Variants in SH3BP4 observed in about 807,000 individuals in gnomAD.
The protein encoded by SH3BP4 is SH3 domain binding protein 4, also known as SH3 domain-binding protein 4.
A neutral mutation model predicts 65.5 loss-of-function variants in SH3BP4; 33 were observed. The observed-to-expected ratio is 0.50, with a 90% CI of 0.38 to 0.67. SH3BP4 has a LOEUF of 0.67. SH3BP4 is among the 30% of genes least tolerant of loss of function. The probability of loss-of-function intolerance (pLI) is 0.00; values close to 1 mark genes in which losing one functional copy is unlikely to be tolerated. For missense variants in SH3BP4, 1,134 were observed against 1,261.4 expected (o/e 0.90, Z 1.53); for synonymous variants, 552 against 545.5 (o/e 1.01, Z -0.17).
intron 4 of SH3BP4, among the ~76,000 whole-genome samples, chr2:235,049,863 G>A (rs1021001508): frequency 2.0e-5 from 3 of 152,096 alleles, no homozygotes; most frequent in East Asian, 1.9e-4. Context: ...TGTGGGACCC[G>A]GGACAAGCCT....
chr2:235,015,567 T>TGTTAGCCTGAAGGACCAGCA (rs1384527882), intron 2 of SH3BP4, among the ~76,000 whole-genome samples: 9 of 152,174 alleles, frequency 5.9e-5, no homozygotes, highest in Admixed American at 2.0e-4. Context: ...TTGAGTCCAG[T>TGTTAGCCTGAAGGACCAGCA]GTTAGCCTGA....
At chr2:235,015,195 G>A (rs904228553) in intron 2 of SH3BP4, among the ~76,000 whole-genome samples, 9 of 152,196 alleles carry the variant, frequency 5.9e-5, no homozygotes, top group African/African-American at 2.2e-4. Context: ...AACCCAATCT[G>A]GTGTAATTCT....
Position 234,997,297 on chromosome 2 carries a change from G to A in SH3BP4, c.-133+1921G>A, listed in dbSNP as rs189808823. Reference sequence around the variant, plus strand: ...GAATAGTCACAGTCTGATTTGCCTGGGGGTCAGTGAGAGACACGGCTACCC... The same window carrying A: ...GAATAGTCACAGTCTGATTTGCCTGAGGGTCAGTGAGAGACACGGCTACCC... On this transcript the variant is annotated intron_variant, in intron 2 of 5. Coordinates refer to ENST00000392011, the MANE Select transcript of SH3BP4 (RefSeq NM_014521.3). This position sits in a 1 kb window ranked among gnomAD's most constrained non-coding sequence, Gnocchi z 4.2. 1.8e-3 allele frequency among the ~76,000 whole-genome samples: 273 copies of A among 152,320 alleles called. 1 individual carries two copies. Among genetic ancestry groups the A allele is most frequent in the Non-Finnish European group, 1.1e-3 (76 of 68,024 alleles).
intron 2 of SH3BP4, among the ~76,000 whole-genome samples, chr2:235,028,423 T>G (rs1559249699): frequency 2.0e-5 from 3 of 152,226 alleles, no homozygotes; most frequent in Non-Finnish European, 4.4e-5. Flanking sequence ...GGCTTAGGTT[T>G]CAGGAACAGA....
intron 1 of SH3BP4, among the ~76,000 whole-genome samples, chr2:234,968,303 G>T (rs1383902036): frequency 2.0e-5 from 3 of 151,648 alleles, no homozygotes; most frequent in Non-Finnish European, 4.4e-5. Context: ...TGCCCAGTGA[G>T]TTTGTAGAAC....
rs771073282 is a variant in SH3BP4 at position 235,054,142 on chromosome 2, A to C, written c.*326A>C. On this transcript the variant is annotated 3_prime_UTR_variant, in exon 6 of 6. Transcript: ENST00000392011. ...TTTTTTTATGGACCATAAAGGTTTA[A>C]AAGAAAATAGGGGCACAGGCTGTTG... 1 of 268,508 alleles carries C rather than the reference A, an allele frequency of 3.7e-6. No homozygotes were observed. The highest frequency in any genetic ancestry group is 2.1e-5 in the African/African-American group (1 of 46,518). The allele number at this position is 268,508 out of a possible 1,614,324, so 16.6% of individuals were successfully genotyped here.
At chr2:234,981,926 G>T in intron 1 of SH3BP4, among the ~76,000 whole-genome samples, 1 of 152,122 alleles carries the variant, frequency 6.6e-6, no homozygotes, top group East Asian at 1.9e-4. Flanking sequence ...TTGTAAGCTC[G>T]GCTGCCATTT....
rs762860305 is a variant in SH3BP4 at position 235,042,688 on chromosome 2, C to T, written c.1919C>T (p.Ala640Val). Residue 640 changes from alanine (A) to valine (V), a missense_variant, in exon 4 of 6, where the codon GCC (alanine) becomes GTC (valine). By Grantham distance (64) the Ala-to-Val change is moderately conservative. Coordinates refer to ENST00000392011, the MANE Select transcript of SH3BP4 (RefSeq NM_014521.3). The surrounding 1 kb of genome is among the most constrained non-coding windows in gnomAD (Gnocchi z 7.3). The part of the protein sequence containing the change: ...EVGKIILSPF[A>V]TTTKYPTFQD... ...GGGAAAATCATCCTGTCCCCGTTTG[C>T]CACCACTACAAAGTACCCGACTTTC... is the stretch of plus-strand genomic sequence containing the variant. 1.4e-5 allele frequency: 22 copies of T among 1,614,072 alleles called. No homozygotes were observed. In the Admixed American group the frequency reaches 3.7e-4, roughly 27 times the overall value.
At chr2:235,006,085 G>T (rs1355563672) in intron 2 of SH3BP4, among the ~76,000 whole-genome samples, 1 of 152,238 alleles carries the variant, frequency 6.6e-6, no homozygotes, top group Non-Finnish European at 1.5e-5. Context: ...CATGGTGCTG[G>T]GCTGGCTGGA....
In SH3BP4 at chr2:235,052,305, A is replaced by G. The variant is rs998444217; in HGVS notation, c.2479-257A>G. On this transcript the variant is annotated intron_variant, in intron 4 of 5. Coordinates refer to ENST00000392011, the MANE Select transcript of SH3BP4 (RefSeq NM_014521.3). This position sits in a 1 kb window ranked among gnomAD's most constrained non-coding sequence, Gnocchi z 5.0. Reference sequence around the variant, plus strand: ...TCTGCAAAGACCCCATTTTCAAGTAAGGTCACGTTCTGAGGTTCTGGGTGG... The same window carrying G: ...TCTGCAAAGACCCCATTTTCAAGTAGGGTCACGTTCTGAGGTTCTGGGTGG... Among the ~76,000 whole-genome samples, 3 of 152,002 alleles carry G rather than the reference A, an allele frequency of 2.0e-5. No individual in the cohort carries two copies. Among genetic ancestry groups the G allele is most frequent in the African/African-American group, 7.2e-5 (3 of 41,386 alleles).
At chr2:235,022,609 G>A (rs776812755) in intron 2 of SH3BP4, among the ~76,000 whole-genome samples, 1 of 152,096 alleles carries the variant, frequency 6.6e-6, no homozygotes, top group Non-Finnish European at 1.5e-5. Context: ...CGGGTGAATC[G>A]AGACATTGAC....
chr2:235,025,911 G>T (rs1694986928), intron 2 of SH3BP4, among the ~76,000 whole-genome samples: 1 of 152,178 alleles, frequency 6.6e-6, no homozygotes, highest in East Asian at 1.9e-4. Flanking sequence ...AAGGTCTGGA[G>T]ATGTTTTGGA....
In SH3BP4 at chr2:235,042,398, C is replaced by T. The variant is rs1474740314; in HGVS notation, c.1629C>T (p.Ser543=). ...RPQDLKVCMF[S]NMTNYEVKAS... ...AGGATCTCAAGGTCTGTATGTTTTCCAATATGACGAATTACGAGGTCAAAG... is the reference window on the plus strand; with the variant it reads ...AGGATCTCAAGGTCTGTATGTTTTCTAATATGACGAATTACGAGGTCAAAG... Residue 543 remains serine (S), a synonymous_variant, in exon 4 of 6, where the codon TCC becomes TCT. Transcript: ENST00000392011. This position sits in a 1 kb window ranked among gnomAD's most constrained non-coding sequence, Gnocchi z 7.3. 4 of 1,614,108 alleles carry T rather than the reference C, an allele frequency of 2.5e-6. No homozygotes were observed. The highest frequency in any genetic ancestry group is 3.4e-6 in the Non-Finnish European group (4 of 1,180,024).
rs1335411367 is a variant in SH3BP4 at position 234,976,586 on chromosome 2, C to T, written c.-206-18717C>T. On this transcript the variant is annotated intron_variant, in intron 1 of 5. Coordinates refer to ENST00000392011, the MANE Select transcript of SH3BP4 (RefSeq NM_014521.3). This position sits in a 1 kb window ranked among gnomAD's most constrained non-coding sequence, Gnocchi z 4.7. Reference sequence around the variant, plus strand: ...TCTGGTAGCGGACATAGGGGCATCTCTGAGCAGAGCAAGCAGGGGCCTGCG... The same window carrying T: ...TCTGGTAGCGGACATAGGGGCATCTTTGAGCAGAGCAAGCAGGGGCCTGCG... Among the ~76,000 whole-genome samples, 1 of 152,084 alleles carries T rather than the reference C, an allele frequency of 6.6e-6. No individual in the cohort carries two copies. The highest frequency in any genetic ancestry group is 1.5e-5 in the Non-Finnish European group (1 of 68,020).
At chr2:234,995,577 C>T (rs1336714305) in intron 2 of SH3BP4, 1 of 152,338 alleles carries the variant, frequency 6.6e-6, no homozygotes, top group African/African-American at 2.4e-5. Flanking sequence ...GCGCTCTCCT[C>T]CTGTCCTCGA....
At chr2:235,009,002 C>T (rs1694390122) in intron 2 of SH3BP4, among the ~76,000 whole-genome samples, 3 of 152,188 alleles carry the variant, frequency 2.0e-5, no homozygotes, top group Admixed American at 2.0e-4. Flanking sequence ...GGTGGACGGA[C>T]AGCTTGTGTT....
intron 1 of SH3BP4, chr2:234,983,151 G>T (rs903608068): frequency 4.6e-5 from 7 of 152,432 alleles, no homozygotes; most frequent in African/African-American, 1.4e-4. Flanking sequence ...CTGCCCGCAG[G>T]CCATACAGGC....
At position 234,991,220 on chromosome 2, in the gene SH3BP4, C is replaced by T. The variant is rs1693737691; in HGVS notation, c.-206-4083C>T. Among the ~76,000 whole-genome samples the T allele has an allele frequency of 6.6e-6, 1 of 152,156 alleles. No homozygotes were observed. The highest frequency in any genetic ancestry group is 1.5e-5 in the Non-Finnish European group (1 of 68,040). ...TGGTCATCTCTGTGTGTGAATATAG[C>T]TTCCTGTTTGGATGTGGTAGGGTGA... On this transcript the variant is annotated intron_variant, in intron 1 of 5. Coordinates refer to ENST00000392011, the MANE Select transcript of SH3BP4 (RefSeq NM_014521.3). This position sits in a 1 kb window ranked among gnomAD's most constrained non-coding sequence, Gnocchi z 4.2.
At chr2:235,037,839 G>A (rs891783398) in intron 3 of SH3BP4, among the ~76,000 whole-genome samples, 2 of 152,010 alleles carry the variant, frequency 1.3e-5, no homozygotes, top group Admixed American at 1.3e-4. Context: ...CTCCATGAAA[G>A]CCATTTTCTT....
Sources: allele counts gnomAD v4.1 joint callset (sites outside exome capture counted in the v4.1 genomes callset), GRCh38; gene constraint gnomAD v4.1.1; non-coding constraint Gnocchi (gnomAD v3.1); transcripts MANE v1.5; gene names NCBI Gene and HGNC (gene_info 2026-07-23, HGNC 2026-07-21).